Variants in ATP9B observed in about 807,000 individuals in gnomAD.
The protein encoded by ATP9B is ATPase phospholipid transporting 9B.
ATP9B carries 110 observed loss-of-function variants against 146.1 expected under a neutral mutation model. The observed-to-expected ratio is 0.75, with a 90% confidence interval of 0.65 to 0.88. The LOEUF is 0.88. Among genes scored for constraint, ATP9B ranks in the 40% least tolerant of loss-of-function variants. The pLI is 0.00. For missense variants in ATP9B, 1,499 were observed against 1,496.4 expected, an observed-to-expected ratio of 1.00 and a Z score of -0.03; for synonymous variants, 604 against 569.7, an observed-to-expected ratio of 1.06 and a Z score of -0.86.
intron 12 of ATP9B, among the ~76,000 whole-genome samples, chr18:79,274,389 T>C (rs903592962): frequency 4.6e-5 from 7 of 152,212 alleles, no homozygotes; most frequent in African/African-American, 1.7e-4. Flanking sequence ...GTGAATCACA[T>C]GCATATAAGC....
At chr18:79,262,306 A>T (rs1373196307) in intron 12 of ATP9B, among the ~76,000 whole-genome samples, 1 of 152,128 alleles carries the variant, frequency 6.6e-6, no homozygotes, top group Non-Finnish European at 1.5e-5. Flanking sequence ...ACTTTTCTAT[A>T]ATTTATGTTA....
intron 7 of ATP9B, among the ~76,000 whole-genome samples, chr18:79,162,613 G>A (rs1487837774): frequency 6.6e-6 from 1 of 152,136 alleles, no homozygotes; most frequent in Non-Finnish European, 1.5e-5. Flanking sequence ...AAATGACACT[G>A]TACTCATCCA....
chr18:79,340,922 G>A (rs1019017742), intron 19 of ATP9B, among the ~76,000 whole-genome samples: 13 of 152,188 alleles, frequency 8.5e-5, no homozygotes, highest in African/African-American at 2.7e-4. Context: ...ACTGTGTGCC[G>A]CCTTGGCAGT....
At chr18:79,329,333 G>T (rs1279894021) in intron 16 of ATP9B, 31 bp downstream of exon 16, 14 of 1,514,962 alleles carry the variant, frequency 9.2e-6, no homozygotes, top group South Asian at 1.3e-5. Flanking sequence ...CCACGCGATG[G>T]CTTCAGACAT....
At chr18:79,293,444 G>A (rs1340090214) in intron 13 of ATP9B, among the ~76,000 whole-genome samples, 1 of 152,062 alleles carries the variant, frequency 6.6e-6, no homozygotes, top group African/African-American at 2.4e-5. Flanking sequence ...TGGATCAGTG[G>A]ATTTTCATGG....
At chr18:79,263,044 G>A (rs757119017) in intron 12 of ATP9B, among the ~76,000 whole-genome samples, 5 of 152,068 alleles carry the variant, frequency 3.3e-5, no homozygotes, top group Non-Finnish European at 7.4e-5. Flanking sequence ...CAGCCTTTGA[G>A]CATTGTTTTA....
intron 15 of ATP9B, among the ~76,000 whole-genome samples, chr18:79,321,837 C>G (rs558684673): frequency 2.0e-5 from 3 of 152,346 alleles, no homozygotes; most frequent in South Asian, 4.1e-4. Flanking sequence ...ATAGAAAGCT[C>G]AGTCCTGACT....
At chr18:79,353,918 C>A (rs117906643) in intron 25 of ATP9B, 1 of 152,122 alleles carries the variant, frequency 6.6e-6, no homozygotes, top group East Asian at 1.9e-4. Context: ...ACAAGTTTAA[C>A]GTAATAAAGA....
intron 1 of ATP9B, chr18:79,078,190 A>ACAGAAT (rs2072847875): frequency 6.6e-6 from 1 of 152,148 alleles, no homozygotes; most frequent in East Asian, 1.9e-4. Context: ...TCGTCTTTGG[A>ACAGAAT]TGGGATATAG....
intron 15 of ATP9B, among the ~76,000 whole-genome samples, chr18:79,317,656 T>TA (rs1173745830): frequency 6.6e-6 from 1 of 152,204 alleles, no homozygotes; most frequent in Non-Finnish European, 1.5e-5. Context: ...CTAAGGTCCT[T>TA]AGAGTACAGG....
chr18:79,336,242 A>G (rs79438854), intron 17 of ATP9B, among the ~76,000 whole-genome samples: 3,019 of 148,070 alleles, frequency 0.02, 72 homozygotes, highest in Non-Finnish European at 0.026. Flanking sequence ...TGTTCTTGCT[A>G]CATGCAGGCT....
At position 79,096,476 on chromosome 18, in the gene ATP9B, G is replaced by T; in HGVS notation, c.120G>T (p.Arg40Ser). The change falls in exon 2 of 30, where the codon AGG becomes AGT. Residue 40 changes from arginine (R) to serine (S), a missense_variant and splice_region_variant. Physicochemically the swap from Arg to Ser is moderately radical, Grantham distance 110 (BLOSUM62 -1). Transcript: ENST00000426216. ...AGCACTCCATTTTTACCCTAACTAG[G>T]TACCAGCTGGAGGATGAGTCTGCGC... Reference protein sequence around the residue: ...GPRPGADRHSRYQLEDESAHL... With the variant: ...GPRPGADRHSSYQLEDESAHL... 1 of 1,613,680 alleles carries T rather than the reference G, an allele frequency of 6.2e-7. No individual in the cohort carries two copies. Among genetic ancestry groups the T allele is most frequent in the Non-Finnish European group, 8.5e-7 (1 of 1,179,774 alleles).
chr18:79,348,590 G>A (rs1285807037), intron 25 of ATP9B, among the ~76,000 whole-genome samples: 1 of 152,262 alleles, frequency 6.6e-6, no homozygotes, highest in East Asian at 1.9e-4. Context: ...GCAGCAAAGA[G>A]AGAACAGGAA....
intron 11 of ATP9B, among the ~76,000 whole-genome samples, chr18:79,240,739 T>C (rs1000184805): frequency 1.3e-5 from 2 of 152,084 alleles, no homozygotes; most frequent in Non-Finnish European, 2.9e-5. Flanking sequence ...AGAGCGAAAC[T>C]CCGCCTCAAA....
intron 2 of ATP9B, among the ~76,000 whole-genome samples, chr18:79,106,632 A>C (rs1162108157): frequency 1.3e-5 from 2 of 152,246 alleles, no homozygotes; most frequent in Non-Finnish European, 2.9e-5. Context: ...TGTACACAAT[A>C]AAATTATTAG....
chr18:79,168,795 T>C (rs1568320743), intron 7 of ATP9B, among the ~76,000 whole-genome samples: 1 of 152,136 alleles, frequency 6.6e-6, no homozygotes, highest in Non-Finnish European at 1.5e-5. Flanking sequence ...CCTTCCTTAA[T>C]TAGGAGTGCT....
intron 1 of ATP9B, among the ~76,000 whole-genome samples, chr18:79,090,438 A>G (rs1229417871): frequency 1.3e-5 from 2 of 152,170 alleles, no homozygotes; most frequent in African/African-American, 4.8e-5. Flanking sequence ...AGCATTTGTT[A>G]CTGGTTGTCC....
chr18:79,203,798 G>A lies in ATP9B; in HGVS notation c.955-3139G>A, dbSNP rs184376043. 2.7e-3 allele frequency among the ~76,000 whole-genome samples: 414 copies of A among 152,332 alleles called. 2 individuals carry two copies. The highest frequency in any genetic ancestry group is 4.4e-3 in the Non-Finnish European group (298 of 68,022). ...ACCTCTAGACCCCCAGCAGGTAAAG[G>A]ATATACCGTGTCAACCGTATCTGGG... On this transcript the variant is annotated intron_variant, in intron 9 of 29. Transcript: ENST00000426216.
intron 11 of ATP9B, among the ~76,000 whole-genome samples, chr18:79,245,783 CACCACCCTACTGACTGAGGAGGGT>C (rs71161764): frequency 1.4e-4 from 15 of 106,148 alleles, no homozygotes; most frequent in Admixed American, 5.9e-4. Context: ...CTGAGGAGGG[CACCACCCTACTGACTGAGGAGGGT>C]ACCACCCTAC....
Sources: allele counts gnomAD v4.1 joint callset (sites outside exome capture counted in the v4.1 genomes callset), GRCh38; gene constraint gnomAD v4.1.1; transcripts MANE v1.5; gene names NCBI Gene and HGNC (gene_info 2026-07-23, HGNC 2026-07-21).